WDR72: variants seen among roughly 807,000 people sequenced by gnomAD.
WDR72 encodes the protein WD repeat domain 72, also known as WD repeat-containing protein 72.
In WDR72, 120 loss-of-function variants were observed where a neutral mutation model predicts 124.2. The ratio of observed to expected loss-of-function variants is 0.97; its 90% CI spans 0.83 to 1.12. The LOEUF (loss-of-function observed/expected upper bound fraction) is 1.12, where lower values mean the gene tolerates loss of function less well. Among genes scored for constraint, WDR72 ranks in the 50% most tolerant of loss-of-function variants. The pLI, the probability that WDR72 is intolerant of heterozygous loss-of-function variation, is 0.00. For missense variants in WDR72, 1,387 were observed against 1,278.8 expected, an observed-to-expected ratio of 1.08 and a Z score of -1.29; for synonymous variants, 452 against 441.7, an observed-to-expected ratio of 1.02 and a Z score of -0.29.
At chr15:53,611,375 C>G (rs190290181) in intron 16 of WDR72, among the ~76,000 whole-genome samples, 8 of 152,112 alleles carry the variant, frequency 5.3e-5, no homozygotes, top group African/African-American at 1.7e-4. Context: ...CTGGGGCACC[C>G]ATAGGAAAAG....
At chr15:53,704,354 G>T (rs948427978) in intron 11 of WDR72, among the ~76,000 whole-genome samples, 7 of 152,234 alleles carry the variant, frequency 4.6e-5, no homozygotes, top group African/African-American at 1.7e-4. Context: ...ATAATTAAAA[G>T]ACTGTATGTT....
chr15:53,518,395 A>G (rs1341599065), intron 19 of WDR72, among the ~76,000 whole-genome samples: 1 of 152,072 alleles, frequency 6.6e-6, no homozygotes, highest in Non-Finnish European at 1.5e-5. Flanking sequence ...ACTATGGTTT[A>G]GTTAAACCAG....
intron 14 of WDR72, among the ~76,000 whole-genome samples, chr15:53,641,529 T>G (rs2014850388): frequency 6.6e-6 from 1 of 152,058 alleles, no homozygotes; most frequent in Non-Finnish European, 1.5e-5. Context: ...GGAAACCCAC[T>G]AAGGAGATTT....
At chr15:53,534,644 C>T (rs1260345604) in intron 18 of WDR72, among the ~76,000 whole-genome samples, 1 of 152,146 alleles carries the variant, frequency 6.6e-6, no homozygotes, top group Non-Finnish European at 1.5e-5. Context: ...CTAACATCCA[C>T]AGACACACTC....
chr15:53,616,762 C>T (rs1479269715), intron 14 of WDR72, among the ~76,000 whole-genome samples: 1 of 151,946 alleles, frequency 6.6e-6, no homozygotes, highest in Non-Finnish European at 1.5e-5. Context: ...TTTGATTTTG[C>T]CCCAAAGGCT....
intron 18 of WDR72, among the ~76,000 whole-genome samples, chr15:53,571,313 T>C (rs757384830): frequency 6.6e-6 from 1 of 150,680 alleles, no homozygotes; most frequent in Non-Finnish European, 1.5e-5. Context: ...AAACATACTT[T>C]GAATTTATTT....
At chr15:53,712,009 C>T (rs1242284908) in intron 7 of WDR72, among the ~76,000 whole-genome samples, 3 of 152,102 alleles carry the variant, frequency 2.0e-5, no homozygotes, top group Non-Finnish European at 4.4e-5. Context: ...CGAACATATT[C>T]ACAAGAAAAT....
chr15:53,620,634 A>C lies in WDR72; in HGVS notation c.1963-4391T>G, dbSNP rs116495546. Among the ~76,000 whole-genome samples the C allele has an allele frequency of 8.4e-3, 1,284 of 152,122 alleles. 17 individuals are homozygous for C. The highest frequency in any genetic ancestry group is 0.03 in the African/African-American group (1,241 of 41,528). On this transcript the variant is annotated intron_variant, in intron 14 of 19. Coordinates refer to ENST00000360509, the MANE Select transcript of WDR72 (RefSeq NM_182758.4). ...AACTGGATCCTCATCTCTCACCTTA[A>C]ACAAAAATCAACCCATGATGGATCA... is the stretch of plus-strand genomic sequence containing the variant.
intron 1 of WDR72, among the ~76,000 whole-genome samples, chr15:53,757,677 A>T (rs1028134475): frequency 6.6e-6 from 1 of 152,168 alleles, no homozygotes; most frequent in African/African-American, 2.4e-5. Flanking sequence ...TTATTCATAA[A>T]GGACATCCTC....
intron 9 of WDR72, among the ~76,000 whole-genome samples, chr15:53,710,266 C>T (rs956768148): frequency 1.5e-4 from 23 of 152,030 alleles, no homozygotes; most frequent in African/African-American, 5.3e-4. Flanking sequence ...GGAGTAGATA[C>T]GTAAAAATGT....
intron 18 of WDR72, among the ~76,000 whole-genome samples, chr15:53,567,659 A>G (rs901638455): frequency 2.0e-5 from 3 of 151,984 alleles, no homozygotes; most frequent in African/African-American, 7.2e-5. Flanking sequence ...ACTAAAAACT[A>G]AGACTGGACC....
rs1209013795 is a variant in WDR72 at position 53,616,256 on chromosome 15, A to C, written c.1963-13T>G. 17 of 1,588,360 alleles carry C rather than the reference A, an allele frequency of 1.1e-5. No homozygotes were observed. Among genetic ancestry groups the C allele is most frequent in the African/African-American group, 4.0e-5 (3 of 74,626 alleles). On this transcript the variant is annotated splice_polypyrimidine_tract_variant and intron_variant, in intron 14 of 19. Coordinates refer to ENST00000360509, the MANE Select transcript of WDR72 (RefSeq NM_182758.4). ...TGGCATCAGTAACCTAAGGGAACAA[A>C]AAATATTTGTGTCAAAGTTCTTGCT...
At chr15:53,706,158 A>C in intron 9 of WDR72, 84 bp from the exon 10 acceptor site, 1 of 1,358,800 alleles carries the variant, frequency 7.4e-7, no homozygotes, top group Non-Finnish European at 1.0e-6. Context: ...AACAAGACTT[A>C]ATAACTGAAT....
intron 1 of WDR72, among the ~76,000 whole-genome samples, chr15:53,741,695 C>T (rs1246657015): frequency 6.6e-6 from 1 of 151,760 alleles, no homozygotes; most frequent in African/African-American, 2.4e-5. Flanking sequence ...CCCCCCCTCA[C>T]TTATAAGAAA....
intron 14 of WDR72, among the ~76,000 whole-genome samples, chr15:53,644,040 T>A (rs1049295534): frequency 6.6e-6 from 1 of 152,176 alleles, no homozygotes; most frequent in African/African-American, 2.4e-5. Context: ...AATATTGTTA[T>A]CTATTGTAAT....
chr15:53,552,891 A>G (rs1280855031), intron 18 of WDR72, among the ~76,000 whole-genome samples: 1 of 152,044 alleles, frequency 6.6e-6, no homozygotes. Context: ...ATCGGCATGG[A>G]AAGTATTAGT....
intron 18 of WDR72, among the ~76,000 whole-genome samples, chr15:53,524,236 T>C (rs1414322064): frequency 1.3e-5 from 2 of 152,112 alleles, no homozygotes; most frequent in African/African-American, 4.8e-5. Context: ...ATGGATACTG[T>C]TGAGTACAAT....
chr15:53,745,972 T>C (rs2018634516), intron 1 of WDR72, among the ~76,000 whole-genome samples: 1 of 152,178 alleles, frequency 6.6e-6, no homozygotes, highest in Non-Finnish European at 1.5e-5. Context: ...GGATTTGCGA[T>C]GTGAAATTCC....
intron 18 of WDR72, among the ~76,000 whole-genome samples, chr15:53,527,434 T>A (rs965791163): frequency 4.6e-5 from 7 of 151,772 alleles, no homozygotes; most frequent in African/African-American, 1.7e-4. Flanking sequence ...TGGAAAAAAG[T>A]CTCCATCCAC....
Sources: gnomAD v4.1 joint callset for allele counts (sites outside exome capture counted in the v4.1 genomes callset) on GRCh38, gnomAD v4.1.1 for gene constraint, MANE v1.5 for transcripts, NCBI Gene and HGNC (gene_info 2026-07-23, HGNC 2026-07-21) for gene names.